Variants in USP15 observed in about 807,000 individuals in gnomAD.
USP15 encodes ubiquitin specific peptidase 15.
USP15 carries 18 observed loss-of-function variants against 127.1 expected under a neutral mutation model. The ratio of observed to expected loss-of-function variants is 0.14; its 90% CI spans 0.10 to 0.21. USP15 has a LOEUF of 0.21. Among genes scored for constraint, USP15 ranks in the 10% least tolerant of loss-of-function variants. The pLI is 1.00. For missense variants in USP15, 805 were observed against 1,159.9 expected, an observed-to-expected ratio of 0.69 and a Z score of 4.44; for synonymous variants, 364 against 393.7, an observed-to-expected ratio of 0.92 and a Z score of 0.89.
intron 7 of USP15, chr12:62,354,965 A>G (rs2066073764): frequency 6.4e-6 from 1 of 156,956 alleles, no homozygotes; most frequent in Non-Finnish European, 1.4e-5. Flanking sequence ...GCAAAGGGTC[A>G]TAAAGGAGAT....
intron 3 of USP15, 127 bp downstream of exon 3, chr12:62,303,047 A>G (rs1264090754): frequency 9.4e-7 from 1 of 1,058,854 alleles, no homozygotes; most frequent in African/African-American, 1.6e-5. Context: ...ATAACCGTAC[A>G]CTGTGTTACA....
intron 6 of USP15, among the ~76,000 whole-genome samples, chr12:62,348,173 C>G (rs1425496194): frequency 4.6e-5 from 7 of 151,778 alleles, no homozygotes; most frequent in Non-Finnish European, 1.0e-4. Context: ...GTGTCACTGC[C>G]CCCCAGCCTG....
At chr12:62,310,376 C>T (rs906538251) in intron 3 of USP15, among the ~76,000 whole-genome samples, 1 of 151,866 alleles carries the variant, frequency 6.6e-6, no homozygotes, top group Admixed American at 6.6e-5. Flanking sequence ...CTTCATCCTT[C>T]CCTGCTCCCT....
At chr12:62,399,304 G>A (rs764297002) in intron 20 of USP15, among the ~76,000 whole-genome samples, 117 of 152,290 alleles carry the variant, frequency 7.7e-4, no homozygotes, top group Admixed American at 1.2e-3. Flanking sequence ...AGGGAAAAGT[G>A]TGCTCAAAGG....
At chr12:62,401,919 C>CATATATATATATATATATACAT (rs3085019) in intron 21 of USP15, among the ~76,000 whole-genome samples, 1 of 145,842 alleles carries the variant, frequency 6.9e-6, no homozygotes, top group South Asian at 2.1e-4. Flanking sequence ...TGTATATATA[C>CATATATATATATATATATACAT]ATATATATAT....
chr12:62,361,941 A>G (rs2066331667), intron 8 of USP15, among the ~76,000 whole-genome samples: 1 of 152,076 alleles, frequency 6.6e-6, no homozygotes, highest in African/African-American at 2.4e-5. Context: ...ATAAACCCAT[A>G]TTAAAACATT....
At chr12:62,403,763 T>A (rs550187003) in intron 21 of USP15, among the ~76,000 whole-genome samples, 2 of 152,142 alleles carry the variant, frequency 1.3e-5, no homozygotes, top group Admixed American at 6.6e-5. Flanking sequence ...CAGTGATGAT[T>A]GATGGAACAG....
chr12:62,371,143 T>G (rs2066652962), intron 8 of USP15, among the ~76,000 whole-genome samples: 1 of 152,212 alleles, frequency 6.6e-6, no homozygotes, highest in Admixed American at 6.5e-5. Context: ...ATTATGTGTT[T>G]AAAACCTGTG....
chr12:62,346,577 C>G (rs1298088869), intron 6 of USP15, among the ~76,000 whole-genome samples: 1 of 152,206 alleles, frequency 6.6e-6, no homozygotes, highest in Admixed American at 6.5e-5. Flanking sequence ...CTTGCCCACT[C>G]TACTTTCTTA....
chr12:62,374,078 A>G (rs1028681290), intron 8 of USP15, among the ~76,000 whole-genome samples: 2 of 152,002 alleles, frequency 1.3e-5, no homozygotes, highest in African/African-American at 2.4e-5. Context: ...TTAGAAAACA[A>G]TTGACATGGC....
At chr12:62,344,266 A>T (rs1470153820) in intron 6 of USP15, among the ~76,000 whole-genome samples, 1 of 152,228 alleles carries the variant, frequency 6.6e-6, no homozygotes, top group African/African-American at 2.4e-5. Context: ...CAACACAGCC[A>T]TTCCAAATGG....
chr12:62,320,178 C>T (rs1477633048), intron 4 of USP15, among the ~76,000 whole-genome samples: 2 of 152,160 alleles, frequency 1.3e-5, no homozygotes, highest in Non-Finnish European at 2.9e-5. Context: ...TGTAATCCCC[C>T]ATGTGTTGGA....
chr12:62,352,496 A>T (rs973869767), intron 7 of USP15, among the ~76,000 whole-genome samples: 8 of 151,990 alleles, frequency 5.3e-5, no homozygotes, highest in Non-Finnish European at 1.0e-4. Flanking sequence ...ACTGCCTTTT[A>T]AAAATATTTT....
At chr12:62,360,423 A>G (rs2066278727) in intron 8 of USP15, among the ~76,000 whole-genome samples, 1 of 152,054 alleles carries the variant, frequency 6.6e-6, no homozygotes, top group Admixed American at 6.6e-5. Flanking sequence ...TAAAGATTTA[A>G]TTTAAGAGAA....
Position 62,408,454 on chromosome 12 carries a change from C to G in USP15, c.*4079C>G, listed in dbSNP as rs569302522. 16 of 151,950 alleles carry G rather than the reference C, an allele frequency of 1.1e-4. No individual in the cohort carries two copies. The highest frequency in any genetic ancestry group is 2.1e-4 in the Non-Finnish European group (14 of 67,984). The allele number at this position is 151,950 out of a possible 1,614,324, so 9.4% of individuals were successfully genotyped here. ...ACTAGGGGAAGGAACCAGAGGTCCT[C>G]TAAAATATCAGAGGAGTGAGAAGGA... is the stretch of plus-strand genomic sequence containing the variant. On this transcript the variant is annotated 3_prime_UTR_variant, in exon 22 of 22. Transcript: ENST00000280377.
chr12:62,401,089 G>A (rs2067672991), intron 20 of USP15, 98 bp from the exon 21 acceptor site: 1 of 701,224 alleles, frequency 1.4e-6, no homozygotes, highest in Non-Finnish European at 2.4e-6. Context: ...GATTATCAGT[G>A]TTAATAGATA....
chr12:62,290,372 G>GT (rs1239492553), intron 1 of USP15, among the ~76,000 whole-genome samples: 1 of 152,036 alleles, frequency 6.6e-6, no homozygotes, highest in Non-Finnish European at 1.5e-5. Context: ...ATAACTTTGT[G>GT]TATTTTTTTA....
At chr12:62,381,394 A>T in intron 8 of USP15, 96 bp from the exon 9 acceptor site, 1 of 1,081,780 alleles carries the variant, frequency 9.2e-7, no homozygotes, top group Non-Finnish European at 1.3e-6. Context: ...TCTCTGTGTT[A>T]TAGCAAATCA....
At chr12:62,354,389 G>A (rs1373155580) in intron 7 of USP15, among the ~76,000 whole-genome samples, 3 of 151,608 alleles carry the variant, frequency 2.0e-5, no homozygotes, top group Non-Finnish European at 4.4e-5. Flanking sequence ...TTTGCTTTTA[G>A]GAAAGATCTC....
Sources: gnomAD v4.1 joint callset for allele counts (sites outside exome capture counted in the v4.1 genomes callset) on GRCh38, gnomAD v4.1.1 for gene constraint, MANE v1.5 for transcripts, NCBI Gene and HGNC (gene_info 2026-07-23, HGNC 2026-07-21) for gene names.